DENND4A: variants seen among roughly 807,000 people sequenced by gnomAD.
DENND4A encodes the protein DENN domain containing 4A.
DENND4A carries 70 observed loss-of-function variants against 199.3 expected under a neutral mutation model. The observed-to-expected ratio is 0.35, with a 90% CI of 0.29 to 0.43. The LOEUF (loss-of-function observed/expected upper bound fraction) is 0.43. Ranked by LOEUF, DENND4A falls within the 20% of genes least tolerant of loss-of-function variation. DENND4A has a pLI of 1.00. For synonymous variants in DENND4A, 686 were observed against 766.9 expected (o/e 0.89, Z 1.74); for missense variants, 1,723 against 2,255.8 (o/e 0.76, Z 4.78).
chr15:65,681,702 A>C (rs987476345), intron 23 of DENND4A, among the ~76,000 whole-genome samples: 5 of 151,684 alleles, frequency 3.3e-5, no homozygotes, highest in Admixed American at 3.3e-4. Context: ...CCGCTTCCTG[A>C]GTAGCTGGGA....
chr15:65,667,886 G>T, intron 28 of DENND4A, 39 bp downstream of exon 28: 3 of 1,574,648 alleles, frequency 1.9e-6, no homozygotes, highest in South Asian at 1.2e-5. Context: ...ATACGTAAGT[G>T]ATCAATTTCC....
chr15:65,785,490 T>TA (rs745338686), intron 1 of DENND4A, among the ~76,000 whole-genome samples: 3,374 of 121,404 alleles, frequency 0.028, 119 homozygotes, highest in African/African-American at 0.078. Context: ...ATCCTGTCTC[T>TA]AAAAAAAAAA....
intron 1 of DENND4A, among the ~76,000 whole-genome samples, chr15:65,776,803 A>G (rs746813168): frequency 3.3e-5 from 5 of 152,236 alleles, no homozygotes; most frequent in Admixed American, 6.5e-5. Flanking sequence ...GGTGAAAGAC[A>G]ACATGCAAAG....
At position 65,683,487 on chromosome 15, in the gene DENND4A, C is replaced by T. The variant is rs142482253; in HGVS notation, c.4180-6853G>A. Among the ~76,000 whole-genome samples, 36 of 152,240 alleles carry T rather than the reference C, an allele frequency of 2.4e-4. No individual in the cohort carries two copies. In the East Asian group the frequency reaches 6.7e-3, roughly 29 times the overall value. On this transcript the variant is annotated intron_variant, in intron 23 of 32. Transcript: ENST00000443035. ...GAACCATAAATCATTAATTTTAAAT[C>T]ACTTCTAACTACAGCACTTAAAGCT...
chr15:65,746,360 C>CTTCTCTTTTTTT (rs2076390661), intron 4 of DENND4A, among the ~76,000 whole-genome samples: 1 of 86,318 alleles, frequency 1.2e-5, no homozygotes, highest in Non-Finnish European at 2.4e-5. Flanking sequence ...AACAATTCTA[C>CTTCTCTTTTTTT]TTTTTTCTCT....
intron 12 of DENND4A, 32 bp downstream of exon 12, chr15:65,722,816 A>C: frequency 6.7e-7 from 1 of 1,495,910 alleles, no homozygotes; most frequent in Non-Finnish European, 9.0e-7. Flanking sequence ...TTTCAGATTA[A>C]ATTACCTCCT....
chr15:65,686,233 T>C (rs2076775492), intron 23 of DENND4A, among the ~76,000 whole-genome samples: 1 of 152,178 alleles, frequency 6.6e-6, no homozygotes, highest in African/African-American at 2.4e-5. Flanking sequence ...ACAATGTACT[T>C]TGATTTGGAT....
intron 8 of DENND4A, among the ~76,000 whole-genome samples, 186 bp downstream of exon 8, chr15:65,732,566 A>G (rs559422432): frequency 1.3e-5 from 2 of 152,278 alleles, no homozygotes; most frequent in Admixed American, 6.5e-5. Flanking sequence ...CTCTAAGAAA[A>G]GCAGGAGATG....
intron 4 of DENND4A, 61 bp downstream of exon 4, chr15:65,752,313 AGATGT>A: frequency 2.1e-5 from 6 of 281,486 alleles, no homozygotes; most frequent in African/African-American, 3.2e-5. Flanking sequence ...AAAAAAAAAA[AGATGT>A]ATTTAAAATT....
intron 11 of DENND4A, among the ~76,000 whole-genome samples, chr15:65,726,330 T>A (rs1256782064): frequency 6.6e-6 from 1 of 152,110 alleles, no homozygotes; most frequent in Non-Finnish European, 1.5e-5. Context: ...ATAAACACAG[T>A]ATACACTCTT....
At chr15:65,769,293 T>C (rs1270417934) in intron 1 of DENND4A, among the ~76,000 whole-genome samples, 1 of 152,136 alleles carries the variant, frequency 6.6e-6, no homozygotes, top group Middle Eastern at 3.4e-3. Flanking sequence ...GACCTTATAT[T>C]TGGTGAGTAA....
intron 23 of DENND4A, among the ~76,000 whole-genome samples, chr15:65,687,061 AGATCTAGTCTAT>A (rs1407567119): frequency 6.6e-6 from 1 of 152,122 alleles, no homozygotes; most frequent in Non-Finnish European, 1.5e-5. Context: ...TCATATGGTT[AGATCTAGTCTAT>A]TTCTCTGTTC....
intron 1 of DENND4A, among the ~76,000 whole-genome samples, chr15:65,772,296 A>G (rs1596668559): frequency 2.0e-5 from 3 of 152,334 alleles, no homozygotes; most frequent in African/African-American, 7.2e-5. Flanking sequence ...ATGGACATGT[A>G]TCAGTTTTAT....
intron 22 of DENND4A, among the ~76,000 whole-genome samples, chr15:65,691,928 T>C (rs937106590): frequency 1.3e-5 from 2 of 151,620 alleles, no homozygotes; most frequent in Admixed American, 1.3e-4. Context: ...ATTGTGGTTA[T>C]ACTAGATGAC....
intron 1 of DENND4A, chr15:65,771,487 A>G: frequency 6.2e-7 from 1 of 1,610,346 alleles, no homozygotes; most frequent in Non-Finnish European, 8.5e-7. Context: ...GATAGAAGGA[A>G]TAAGGAGGAT....
chr15:65,768,863 G>A (rs903968041), intron 1 of DENND4A, among the ~76,000 whole-genome samples: 23 of 151,672 alleles, frequency 1.5e-4, no homozygotes, highest in African/African-American at 4.6e-4. Context: ...ACGTGGTGGC[G>A]GGTGCCTGTA....
chr15:65,779,940 A>G (rs1393216215), intron 1 of DENND4A, among the ~76,000 whole-genome samples: 1 of 149,944 alleles, frequency 6.7e-6, no homozygotes, highest in Non-Finnish European at 1.5e-5. Flanking sequence ...GGGTCTAGCT[A>G]TGTTGCCCAG....
intron 14 of DENND4A, among the ~76,000 whole-genome samples, chr15:65,714,032 A>T (rs1458251935): frequency 6.6e-6 from 1 of 152,116 alleles, no homozygotes; most frequent in African/African-American, 2.4e-5. Context: ...ATATACAGCA[A>T]ATCTCCAATT....
At chr15:65,704,209 T>C (rs879552612) in intron 15 of DENND4A, among the ~76,000 whole-genome samples, 11 of 152,288 alleles carry the variant, frequency 7.2e-5, no homozygotes, top group Non-Finnish European at 1.3e-4. Context: ...ACAAAGACAA[T>C]GTAAGTTTAT....
Sources: gnomAD v4.1 joint callset for allele counts (sites outside exome capture counted in the v4.1 genomes callset) on GRCh38, gnomAD v4.1.1 for gene constraint, MANE v1.5 for transcripts, NCBI Gene and HGNC (gene_info 2026-07-23, HGNC 2026-07-21) for gene names.